TNIP3: variants seen among roughly 807,000 people sequenced by gnomAD.
TNIP3 encodes the protein TNFAIP3-interacting protein 3.
Under a neutral mutation model 54.1 loss-of-function variants are expected in TNIP3, and 34 were observed. The ratio of observed to expected loss-of-function variants is 0.63; its 90% CI spans 0.48 to 0.84. TNIP3 has a LOEUF of 0.84. Ranked by LOEUF, TNIP3 falls within the 40% of genes least tolerant of loss-of-function variation. The pLI, the probability that TNIP3 is intolerant of heterozygous loss-of-function variation, is 0.00. For missense variants in TNIP3, 366 were observed against 387.6 expected (o/e 0.94, Z 0.47); for synonymous variants, 134 against 136.8 (o/e 0.98, Z 0.14).
chr4:121,200,366 C>T (rs1163404068), intron 2 of TNIP3, among the ~76,000 whole-genome samples: 1 of 152,128 alleles, frequency 6.6e-6, no homozygotes, highest in Non-Finnish European at 1.5e-5. Flanking sequence ...TAGTAGGGCC[C>T]TCAGTAGACT....
intron 1 of TNIP3, among the ~76,000 whole-genome samples, chr4:121,226,891 G>A (rs1011892289): frequency 3.3e-5 from 5 of 152,066 alleles, no homozygotes; most frequent in African/African-American, 1.2e-4. Context: ...TGAAGAACAC[G>A]GTGAAAAATG....
intron 2 of TNIP3, among the ~76,000 whole-genome samples, chr4:121,211,367 T>C (rs934840630): frequency 1.1e-4 from 17 of 152,300 alleles, no homozygotes; most frequent in Middle Eastern, 3.4e-3. Flanking sequence ...TCTAAACTCA[T>C]ATTTGAACAG....
At chr4:121,189,699 C>T (rs1177243119) in intron 2 of TNIP3, among the ~76,000 whole-genome samples, 1 of 152,136 alleles carries the variant, frequency 6.6e-6, no homozygotes, top group African/African-American at 2.4e-5. Flanking sequence ...CAAGAAGGAA[C>T]ATTTCTAAAG....
At chr4:121,169,093 T>A (rs1255205352), upstream of TNIP3, among the ~76,000 whole-genome samples, 2 of 152,154 alleles carry the variant, frequency 1.3e-5, no homozygotes, top group Admixed American at 1.3e-4. Context: ...TAAAATGTCA[T>A]TTCATGTCAT....
intron 3 of TNIP3, among the ~76,000 whole-genome samples, chr4:121,175,073 C>G (rs533033875): frequency 2.6e-5 from 4 of 152,310 alleles, no homozygotes; most frequent in Admixed American, 2.6e-4. Flanking sequence ...TGCTAAACAA[C>G]TCTTATGAAC....
intron 3 of TNIP3, among the ~76,000 whole-genome samples, chr4:121,173,244 A>G (rs1027618018): frequency 5.9e-5 from 9 of 152,298 alleles, no homozygotes; most frequent in Middle Eastern, 6.8e-3. Flanking sequence ...TGATTCAGGG[A>G]AGTTTTATGG....
intron 1 of TNIP3, among the ~76,000 whole-genome samples, chr4:121,223,772 T>C (rs1001675696): frequency 3.3e-5 from 5 of 152,216 alleles, no homozygotes; most frequent in Admixed American, 3.3e-4. Context: ...CTAGTTTTTC[T>C]ACTCCTGTCA....
At chr4:121,161,975 A>G (rs1010201493) in intron 1 of TNIP3, among the ~76,000 whole-genome samples, 1 of 152,198 alleles carries the variant, frequency 6.6e-6, no homozygotes, top group Non-Finnish European at 1.5e-5. Context: ...TAATAATTCA[A>G]TAGTCTTATT....
intron 1 of TNIP3, 140 bp from the exon 2 acceptor site, chr4:121,161,356 C>A: frequency 1.5e-6 from 1 of 673,574 alleles, no homozygotes. Context: ...AGTAATAATC[C>A]TCATACCCTA....
At chr4:121,208,971 C>T (rs1204605708) in intron 2 of TNIP3, among the ~76,000 whole-genome samples, 3 of 152,054 alleles carry the variant, frequency 2.0e-5, no homozygotes, top group African/African-American at 7.3e-5. Flanking sequence ...GGGGAGGGAG[C>T]TCCCCAATCT....
chr4:121,185,291 G>T (rs1724954132), intron 2 of TNIP3, among the ~76,000 whole-genome samples: 1 of 152,130 alleles, frequency 6.6e-6, no homozygotes, highest in African/African-American at 2.4e-5. Flanking sequence ...CTTGGTGTTT[G>T]CTCTTCCTCT....
At chr4:121,222,630 C>T (rs1223073262) in intron 1 of TNIP3, among the ~76,000 whole-genome samples, 1 of 152,026 alleles carries the variant, frequency 6.6e-6, no homozygotes, top group Non-Finnish European at 1.5e-5. Context: ...ATAGTAAGCT[C>T]CAAATAAATG....
At position 121,180,197 on chromosome 4, in the gene TNIP3, G is replaced by A. The variant is rs570712509; in HGVS notation, c.189+2479C>T. Among the ~76,000 whole-genome samples the A allele has an allele frequency of 3.3e-5, 5 of 152,196 alleles. No individual in the cohort carries two copies. In the East Asian group the frequency reaches 5.8e-4, roughly 18 times the overall value. On this transcript the variant is annotated intron_variant, in intron 3 of 12. Coordinates refer to the TNIP3 transcript ENST00000507879. ...GGGTGGATCAAGAGGTCAGGAGATCGAGACCATCCTGGCTAACATGGTGAA... is the reference window on the plus strand; with the variant it reads ...GGGTGGATCAAGAGGTCAGGAGATCAAGACCATCCTGGCTAACATGGTGAA...
At chr4:121,182,783 C>G in exon 3 of TNIP3, 2 of 1,534,044 alleles carry the variant, frequency 1.3e-6, no homozygotes, top group Non-Finnish European at 1.7e-6. Flanking sequence ...TTGTCCAGCT[C>G]CATGCTTTCA....
chr4:121,197,373 C>T (rs534072362), intron 2 of TNIP3, among the ~76,000 whole-genome samples: 5 of 151,870 alleles, frequency 3.3e-5, no homozygotes, highest in African/African-American at 1.2e-4. Context: ...GCTAAAAATA[C>T]AAAAATTAGC....
chr4:121,150,721 C>T (rs1343919739), intron 5 of TNIP3, among the ~76,000 whole-genome samples: 1 of 152,168 alleles, frequency 6.6e-6, no homozygotes, highest in Non-Finnish European at 1.5e-5. Context: ...TTTTGAGTAA[C>T]ATTCTACTAT....
intron 5 of TNIP3, among the ~76,000 whole-genome samples, chr4:121,150,676 T>G (rs1194372998): frequency 6.6e-6 from 1 of 152,228 alleles, no homozygotes; most frequent in Non-Finnish European, 1.5e-5. Context: ...GAATTTGCAT[T>G]TCTCAGAAGC....
intron 5 of TNIP3, among the ~76,000 whole-genome samples, chr4:121,152,950 AAT>A (rs1278052134): frequency 7.9e-5 from 12 of 152,196 alleles, no homozygotes; most frequent in Non-Finnish European, 1.3e-4. Context: ...CTAGAAAACA[AAT>A]AAAGTCATAA....
chr4:121,149,970 A>C, intron 6 of TNIP3, 133 bp downstream of exon 6: 1 of 615,514 alleles, frequency 1.6e-6, no homozygotes, highest in East Asian at 2.8e-5. Context: ...CTTGAAAATT[A>C]GATAATTCTA....
Sources: gnomAD v4.1 joint callset for allele counts (sites outside exome capture counted in the v4.1 genomes callset) on GRCh38, gnomAD v4.1.1 for gene constraint, MANE v1.5 for transcripts, NCBI Gene and HGNC (gene_info 2026-07-23, HGNC 2026-07-21) for gene names.